PRH1: variants seen among roughly 807,000 people sequenced by gnomAD.
PRH1 encodes proline rich protein HaeIII subfamily 1, also known as salivary acidic proline-rich phosphoprotein 1/2.
PRH1 carries 7 observed loss-of-function variants against 7.9 expected under a neutral mutation model. The ratio of observed to expected loss-of-function variants is 0.89; its 90% CI spans 0.50 to 1.67. The LOEUF (loss-of-function observed/expected upper bound fraction) is 1.67. Among genes scored for constraint, PRH1 ranks in the 40% most tolerant of loss-of-function variants. The probability of loss-of-function intolerance (pLI) is 0.00; values close to 1 mark genes in which losing one functional copy is unlikely to be tolerated. For missense variants in PRH1, 109 were observed against 223.6 expected, an observed-to-expected ratio of 0.49 and a Z score of 3.27; for synonymous variants, 45 against 80.8, an observed-to-expected ratio of 0.56 and a Z score of 2.38.
chr12:11,130,668 A>T (rs895264651), intron 1 of PRH1, among the ~76,000 whole-genome samples: 8 of 143,650 alleles, frequency 5.6e-5, no homozygotes, highest in Non-Finnish European at 6.2e-5. Flanking sequence ...ACAAGCCTGT[A>T]GGAGAGGGGA....
intron 1 of PRH1, among the ~76,000 whole-genome samples, chr12:11,043,844 C>A (rs1942810917): frequency 1.3e-5 from 2 of 152,084 alleles, no homozygotes; most frequent in African/African-American, 2.4e-5. Flanking sequence ...GAAGTATCAA[C>A]ATTGTTAAAA....
chr12:11,072,235 A>G (rs1345702364), intron 1 of PRH1, among the ~76,000 whole-genome samples: 1 of 152,116 alleles, frequency 6.6e-6, no homozygotes, highest in Non-Finnish European at 1.5e-5. Flanking sequence ...GATATTCCCA[A>G]CTGTGCCTAC....
intron 1 of PRH1, chr12:11,133,388 A>AGC (rs1166146522): frequency 1.2e-6 from 2 of 1,613,954 alleles, no homozygotes; most frequent in Non-Finnish European, 1.7e-6. Context: ...AATCTGCTTT[A>AGC]GCTTCTTGTT....
chr12:11,006,593 C>G (rs750774178), intron 1 of PRH1, among the ~76,000 whole-genome samples: 29 of 151,922 alleles, frequency 1.9e-4, no homozygotes, highest in Non-Finnish European at 2.5e-4. Context: ...CGAATGCAAA[C>G]ACACAGAGTT....
chr12:11,169,635 T>C (rs1400123065), intron 1 of PRH1, among the ~76,000 whole-genome samples: 3 of 151,806 alleles, frequency 2.0e-5, no homozygotes, highest in Non-Finnish European at 4.4e-5. Context: ...ATCCAGGACG[T>C]AATGACTCCT....
chr12:11,115,498 G>C (rs1945707444), intron 1 of PRH1, among the ~76,000 whole-genome samples: 1 of 152,054 alleles, frequency 6.6e-6, no homozygotes, highest in Non-Finnish European at 1.5e-5. Flanking sequence ...CCTCCAGACA[G>C]AAAATCAACA....
chr12:11,071,848 CAGG>C (rs1242584838), intron 1 of PRH1, among the ~76,000 whole-genome samples: 1 of 152,178 alleles, frequency 6.6e-6, no homozygotes. Flanking sequence ...ACCAAGCTTG[CAGG>C]AGGACCCTCT....
intron 1 of PRH1, among the ~76,000 whole-genome samples, chr12:10,983,105 G>C (rs910629699): frequency 1.3e-5 from 2 of 152,176 alleles, no homozygotes; most frequent in African/African-American, 4.8e-5. Flanking sequence ...AGTTGCTACA[G>C]GCATGCATAG....
chr12:11,083,956 C>CTAT (rs1944588307), intron 1 of PRH1, among the ~76,000 whole-genome samples: 1 of 68,944 alleles, frequency 1.5e-5, no homozygotes. Flanking sequence ...AAGTTCCCTT[C>CTAT]AAAGACTCAA....
intron 2 of PRH1, among the ~76,000 whole-genome samples, chr12:10,957,129 A>G (rs1938005685): frequency 6.6e-6 from 1 of 152,162 alleles, no homozygotes; most frequent in African/African-American, 2.4e-5. Context: ...AACAAAAAGA[A>G]CAAAGCAGGA....
At chr12:10,985,774 T>C in intron 1 of PRH1, 1 of 609,624 alleles carries the variant, frequency 1.6e-6, no homozygotes, top group Admixed American at 3.2e-5. Flanking sequence ...ATAGATACAC[T>C]TTTAGACTAA....
At chr12:11,128,245 A>G (rs979084113) in intron 1 of PRH1, among the ~76,000 whole-genome samples, 1 of 152,022 alleles carries the variant, frequency 6.6e-6, no homozygotes, top group East Asian at 1.9e-4. Context: ...ACTTTTCTCT[A>G]TTTATTTTTG....
chr12:10,984,174 T>C lies in PRH1; in HGVS notation c.-125-10453A>G, dbSNP rs144586911. Reference sequence around the variant, plus strand: ...AAATATATCATTCACAACTGAAAAATTGTATGCAAAGATACCAAAATCTTT... The same window carrying C: ...AAATATATCATTCACAACTGAAAAACTGTATGCAAAGATACCAAAATCTTT... On this transcript the variant is annotated intron_variant, in intron 1 of 3. Transcript: ENST00000539853. 8.1e-3 allele frequency among the ~76,000 whole-genome samples: 1,228 copies of C among 151,428 alleles called. 11 individuals are homozygous for C. Among genetic ancestry groups the C allele is most frequent in the African/African-American group, 0.022 (897 of 41,374 alleles).
chr12:11,047,329 A>G (rs901340338), upstream of PRH1: 14 of 209,346 alleles, frequency 6.7e-5, no homozygotes, highest in African/African-American at 2.9e-4. Context: ...TATTTGCAGA[A>G]TGTTTCATTC....
At chr12:11,063,779 T>G (rs1433495851) in intron 1 of PRH1, among the ~76,000 whole-genome samples, 1 of 152,034 alleles carries the variant, frequency 6.6e-6, no homozygotes, top group East Asian at 1.9e-4. Context: ...AGAAATCCAT[T>G]GGAAAGTTCT....
At chr12:11,060,461 T>G (rs2136177384) in intron 1 of PRH1, among the ~76,000 whole-genome samples, 1 of 152,084 alleles carries the variant, frequency 6.6e-6, no homozygotes, top group South Asian at 2.1e-4. Context: ...AGGGTATAAT[T>G]AACAATTCAG....
Position 11,088,676 on chromosome 12 carries a change from A to G in PRH1, n.124-41488T>C, listed in dbSNP as rs1286376786. ...ACATTTGAGAATATAGCTCTGACTC[A>G]TTAATGAAGTTTCCCAGGCTACTGG... On this transcript the variant is annotated intron_variant and non_coding_transcript_variant, in intron 1 of 4. Coordinates refer to the PRH1 transcript ENST00000541977. 1.8e-5 allele frequency among the ~76,000 whole-genome samples: 2 copies of G among 113,748 alleles called. 1 individual carries two copies. Among genetic ancestry groups the G allele is most frequent in the Non-Finnish European group, 4.1e-5 (2 of 48,414 alleles). 74.6% of individuals were successfully genotyped at this position (113,748 alleles called of 152,430 possible). A position where few individuals can be genotyped will look rare whatever the true frequency, so the allele number is the denominator to read the frequency against.
chr12:10,936,028 C>G (rs1950282530), intron 2 of PRH1, among the ~76,000 whole-genome samples: 1 of 152,032 alleles, frequency 6.6e-6, no homozygotes, highest in Admixed American at 6.5e-5. Flanking sequence ...GGAGTAGGCT[C>G]TGAAACTGAA....
intron 2 of PRH1, among the ~76,000 whole-genome samples, chr12:10,932,751 T>G (rs1054569878): frequency 5.3e-5 from 8 of 152,168 alleles, no homozygotes; most frequent in Non-Finnish European, 8.8e-5. Context: ...CTGCCTATGA[T>G]TCTTACCATT....
Sources: gnomAD v4.1 joint callset for allele counts (sites outside exome capture counted in the v4.1 genomes callset) on GRCh38, gnomAD v4.1.1 for gene constraint, MANE v1.5 for transcripts, NCBI Gene and HGNC (gene_info 2026-07-23, HGNC 2026-07-21) for gene names.